Variants in TBX19 observed in about 807,000 individuals in gnomAD.
The protein encoded by TBX19 is T-box transcription factor 19.
Under a neutral mutation model 40.9 loss-of-function variants are expected in TBX19, and 33 were observed. The ratio of observed to expected loss-of-function variants is 0.81; its 90% CI spans 0.61 to 1.08. The LOEUF (loss-of-function observed/expected upper bound fraction) is 1.08. Among genes scored for constraint, TBX19 ranks in the 50% least tolerant of loss-of-function variants. The pLI is 0.00. For synonymous variants in TBX19, 220 were observed against 225.0 expected (o/e 0.98, Z 0.20); for missense variants, 494 against 574.0 (o/e 0.86, Z 1.42).
At position 168,296,419 on chromosome 1, in the gene TBX19, G is replaced by T. The variant is rs183432526; in HGVS notation, c.604-1305G>T. Reference sequence around the variant, plus strand: ...ACATGGCTGGGGAGGCCTCAATCATGGTGGAAGGCAAAAGACACATCTTAC... The same window carrying T: ...ACATGGCTGGGGAGGCCTCAATCATTGTGGAAGGCAAAAGACACATCTTAC... On this transcript the variant is annotated intron_variant, in intron 3 of 7. Transcript: ENST00000367821. 3.3e-3 allele frequency among the ~76,000 whole-genome samples: 506 copies of T among 152,200 alleles called. 4 individuals are homozygous for T. Among genetic ancestry groups the T allele is most frequent in the African/African-American group, 0.011 (470 of 41,532 alleles).
At chr1:168,306,450 AC>A (rs1340677748) in intron 6 of TBX19, among the ~76,000 whole-genome samples, 2 of 151,942 alleles carry the variant, frequency 1.3e-5, no homozygotes, top group Admixed American at 1.3e-4. Context: ...ACATGGCGAA[AC>A]CCCGTCTCTA....
intron 1 of TBX19, among the ~76,000 whole-genome samples, chr1:168,285,453 C>A (rs1648781422): frequency 6.6e-6 from 1 of 152,232 alleles, no homozygotes; most frequent in Non-Finnish European, 1.5e-5. Context: ...CCTCTTTCTT[C>A]TTGCAAACCT....
chr1:168,312,724 T>A lies in TBX19; in HGVS notation c.1069T>A (p.Trp357Arg). ...NPGPSPYPCL[W>R]TISNGAGGPS... The stretch of plus-strand genomic sequence containing the variant: ...TCTCTGCAGCCCCTACCCGTGCCTG[T>A]GGACCATCAGCAATGGTGCCGGAGG... The change falls in exon 8 of 8, where the codon TGG (tryptophan) becomes AGG (arginine). Residue 357 changes from tryptophan to arginine, a missense_variant. Physicochemically the swap from Trp to Arg is moderately radical, Grantham distance 101. Coordinates refer to ENST00000367821, the MANE Select transcript of TBX19 (RefSeq NM_005149.3). The A allele has an allele frequency of 1.9e-6, 3 of 1,613,570 alleles. No individual in the cohort carries two copies. The highest frequency in any genetic ancestry group is 1.7e-6 in the Non-Finnish European group (2 of 1,180,050).
intron 1 of TBX19, among the ~76,000 whole-genome samples, chr1:168,286,866 T>C (rs1047726596): frequency 2.0e-5 from 3 of 152,242 alleles, no homozygotes; most frequent in African/African-American, 7.2e-5. Flanking sequence ...GGATTCCAAT[T>C]TCTCTACATC....
chr1:168,283,386 G>A (rs1158260479), intron 1 of TBX19, among the ~76,000 whole-genome samples: 3 of 152,120 alleles, frequency 2.0e-5, no homozygotes, highest in African/African-American at 7.2e-5. Context: ...GAGATAGAAA[G>A]TTTCCTTTAT....
At chr1:168,289,150 C>T (rs1014666285) in intron 1 of TBX19, among the ~76,000 whole-genome samples, 2 of 152,228 alleles carry the variant, frequency 1.3e-5, no homozygotes, top group Admixed American at 1.3e-4. Context: ...ACGGGTCTGA[C>T]TCCTGGCTGT....
intron 1 of TBX19, among the ~76,000 whole-genome samples, chr1:168,285,051 C>T (rs1033791779): frequency 6.6e-6 from 1 of 152,052 alleles, no homozygotes; most frequent in African/African-American, 2.4e-5. Flanking sequence ...TTTCCATGTC[C>T]CTACAGCCCA....
chr1:168,314,037 C>G lies in TBX19; in HGVS notation c.*1035C>G, dbSNP rs1369581940. The G allele has an allele frequency of 6.6e-6, 1 of 152,342 alleles. No individual in the cohort carries two copies. The highest frequency in any genetic ancestry group is 1.5e-5 in the Non-Finnish European group (1 of 68,130). The allele number at this position is 152,342 out of a possible 1,614,324, so 9.4% of individuals were successfully genotyped here. ...TCCTGTTGGCCTCCTATGTATTGGT[C>G]AAGGCAGGCATCTCTGTTCTCTGAA... On this transcript the variant is annotated 3_prime_UTR_variant, in exon 8 of 8. Coordinates refer to ENST00000367821, the MANE Select transcript of TBX19 (RefSeq NM_005149.3).
chr1:168,293,464 T>C (rs1296221453), intron 3 of TBX19, among the ~76,000 whole-genome samples, 186 bp downstream of exon 3: 2 of 152,112 alleles, frequency 1.3e-5, no homozygotes, highest in Non-Finnish European at 2.9e-5. Context: ...CTCTTGGCTG[T>C]TTGCTAAAGG....
chr1:168,281,175 G>T lies in TBX19; in HGVS notation c.85G>T (p.Ala29Ser). 6.2e-7 allele frequency: 1 copy of T among 1,614,186 alleles called. No homozygotes were observed. Among genetic ancestry groups the T allele is most frequent in the South Asian group, 1.1e-5 (1 of 91,080 alleles). Residue 29 changes from alanine (A) to serine (S), a missense_variant, in exon 1 of 8, where the codon GCA (alanine) becomes TCA (serine). Transcript: ENST00000367821. ...LLNVVESELQ[A>S]GREKGDPTEK... The stretch of plus-strand genomic sequence containing the variant: ...CAATGTGGTGGAGAGTGAGCTTCAG[G>T]CAGGGAGGGAAAAAGGCGACCCTAC...
At chr1:168,311,028 C>T (rs1649508806) in intron 7 of TBX19, among the ~76,000 whole-genome samples, 1 of 151,342 alleles carries the variant, frequency 6.6e-6, no homozygotes, top group African/African-American at 2.4e-5. Context: ...TAAACTTACA[C>T]ATGTAGTTGG....
rs138050448 is a variant in TBX19 at position 168,312,696 on chromosome 1, C to CT, written c.1053-11dup. ...GTGAACATTCCCTTCCCCTCTTTCTCTGTCTCTGCAGCCCCTACCCGTGCC... is the reference window on the plus strand; with the variant it reads ...GTGAACATTCCCTTCCCCTCTTTCTCTTGTCTCTGCAGCCCCTACCCGTGCC... On this transcript the variant is annotated splice_polypyrimidine_tract_variant and intron_variant, in intron 7 of 7. Transcript: ENST00000367821. 7.6e-3 allele frequency: 12,176 copies of CT among 1,609,624 alleles called. 50 individuals are homozygous for CT. Among genetic ancestry groups the CT allele is most frequent in the Non-Finnish European group, 9.6e-3 (11,357 of 1,179,970 alleles).
chr1:168,293,432 A>G (rs1276844715), intron 3 of TBX19, among the ~76,000 whole-genome samples, 154 bp downstream of exon 3: 2 of 151,980 alleles, frequency 1.3e-5, no homozygotes, highest in Non-Finnish European at 1.5e-5. Flanking sequence ...AAGTTAAACA[A>G]TGGAGTAGCT....
chr1:168,300,356 G>A, intron 4 of TBX19, 66 bp from the exon 5 acceptor site: 2 of 1,461,846 alleles, frequency 1.4e-6, no homozygotes, highest in Non-Finnish European at 1.9e-6. Flanking sequence ...AGAATTTTGG[G>A]TATGCTTTAT....
chr1:168,301,581 G>A (rs905350061), intron 5 of TBX19, among the ~76,000 whole-genome samples: 2 of 152,208 alleles, frequency 1.3e-5, no homozygotes, highest in East Asian at 3.8e-4. Context: ...CTTTAAAAAT[G>A]ACTGTCAACC....
intron 5 of TBX19, among the ~76,000 whole-genome samples, chr1:168,302,362 G>A (rs1289406190): frequency 6.6e-6 from 1 of 152,158 alleles, no homozygotes; most frequent in Non-Finnish European, 1.5e-5. Flanking sequence ...AAGCGAAGGC[G>A]GTGGGTTCTA....
chr1:168,305,230 TGGGCTGGGGTGG>T (rs1649373378), intron 6 of TBX19, 34 bp downstream of exon 6: 1 of 1,600,316 alleles, frequency 6.2e-7, no homozygotes, highest in Non-Finnish European at 8.5e-7. Context: ...CCTTGGGGTA[TGGGCTGGGGTGG>T]GGGCAGTCAG....
At chr1:168,304,930 G>A in intron 5 of TBX19, 78 bp from the exon 6 acceptor site, 1 of 1,416,666 alleles carries the variant, frequency 7.1e-7, no homozygotes, top group Non-Finnish European at 9.9e-7. Context: ...TTGTAGCTGT[G>A]TAAAGTAGCT....
rs1649445605 is a variant in TBX19 at position 168,308,131 on chromosome 1, T to A, written c.917-611T>A. ...ATGTTCTTCTTTTTGTAAAAAGGTA[T>A]GTTTTTTTCTTAATTTTTTTTTTTT... On this transcript the variant is annotated intron_variant, in intron 6 of 7. Coordinates refer to ENST00000367821, the MANE Select transcript of TBX19 (RefSeq NM_005149.3). 3.4e-5 allele frequency: 5 copies of A among 144,988 alleles called. No homozygotes were observed. The Admixed American group carries it at 3.6e-4, about 10-fold the overall frequency. 9.0% of individuals were successfully genotyped at this position (144,988 alleles called of 1,614,324 possible).
Sources: gnomAD v4.1 joint callset for allele counts (sites outside exome capture counted in the v4.1 genomes callset) on GRCh38, gnomAD v4.1.1 for gene constraint, MANE v1.5 for transcripts, NCBI Gene and HGNC (gene_info 2026-07-23, HGNC 2026-07-21) for gene names.